Variants in IFRD1 observed in about 807,000 individuals in gnomAD.
IFRD1 encodes interferon-related developmental regulator 1.
IFRD1 carries 35 observed loss-of-function variants against 52.9 expected under a neutral mutation model. The observed-to-expected ratio is 0.66, with a 90% CI of 0.51 to 0.88. The LOEUF (loss-of-function observed/expected upper bound fraction) is 0.88. IFRD1 is among the 40% of genes least tolerant of loss of function. IFRD1 has a pLI of 0.00. For synonymous variants in IFRD1, 184 were observed against 188.4 expected, an observed-to-expected ratio of 0.98 and a Z score of 0.19; for missense variants, 517 against 550.8, an observed-to-expected ratio of 0.94 and a Z score of 0.61.
chr7:112,459,070 C>A (rs376465707), intron 5 of IFRD1, 52 bp downstream of exon 5: 2 of 1,428,772 alleles, frequency 1.4e-6, no homozygotes, highest in African/African-American at 1.5e-5. Flanking sequence ...GACACCCAGA[C>A]GTGGTGCGCC....
At position 112,428,846 on chromosome 7, in the gene IFRD1, C is replaced by T. The variant is rs548583081; in HGVS notation, c.-182+5414C>T. On this transcript the variant is annotated intron_variant, in intron 1 of 12. Coordinates refer to the IFRD1 transcript ENST00000005558. ...CCACCCTGCCCGTCCCCTTTCAAGT[C>T]ATCTTTCTTATTACCAGTAGATTAA... 4.1e-4 allele frequency among the ~76,000 whole-genome samples: 62 copies of T among 152,294 alleles called. 1 individual carries two copies. The Middle Eastern group carries it at 0.014, about 33-fold the overall frequency.
At chr7:112,461,805 G>A (rs1795441995) in intron 5 of IFRD1, 61 bp from the exon 6 acceptor site, 2 of 883,154 alleles carry the variant, frequency 2.3e-6, no homozygotes, top group South Asian at 3.6e-5. Flanking sequence ...AAAGCAGGAA[G>A]ATGTAGAATT....
chr7:112,472,824 C>T lies in IFRD1; in HGVS notation c.1229C>T (p.Ala410Val), dbSNP rs775785195. 6 of 1,613,334 alleles carry T rather than the reference C, an allele frequency of 3.7e-6. No homozygotes were observed. The African/African-American group carries it at 8.0e-5, about 22-fold the overall frequency. Residue 410 changes from alanine (A) to valine (V), a missense_variant, in exon 11 of 12, where the codon GCA (alanine) becomes GTA (valine). Ala to Val is a moderately conservative substitution (Grantham distance 64). Coordinates refer to ENST00000403825, the MANE Select transcript of IFRD1 (RefSeq NM_001550.4). ...GGACCCCCAGTGATGCTTGATGCTGCAACGCTTAAAACGATGAAGATTTCT... is the reference window on the plus strand; with the variant it reads ...GGACCCCCAGTGATGCTTGATGCTGTAACGCTTAAAACGATGAAGATTTCT... Reference protein sequence around the residue: ...ELGPPVMLDAATLKTMKISRF... With the variant: ...ELGPPVMLDAVTLKTMKISRF...
chr7:112,449,825 T>TC (rs1795105737), upstream of IFRD1, among the ~76,000 whole-genome samples: 1 of 11,130 alleles, frequency 9.0e-5, no homozygotes, highest in Non-Finnish European at 2.3e-4. Flanking sequence ...ATCCCTTTTT[T>TC]TGGGGGGGGG....
At position 112,450,600 on chromosome 7, in the gene IFRD1, C is replaced by G; in HGVS notation, c.-89C>G. 1 of 1,063,614 alleles carries G rather than the reference C, an allele frequency of 9.4e-7. No homozygotes were observed. The highest frequency in any genetic ancestry group is 1.5e-6 in the Non-Finnish European group (1 of 688,222). 65.9% of individuals were successfully genotyped at this position (1,063,614 alleles called of 1,614,324 possible). On this transcript the variant is annotated 5_prime_UTR_variant, in exon 1 of 12. Transcript: ENST00000403825. ...TAGCCGAAGACTCGCCTCTCAGCCG[C>G]CCGCCGCACAGACGCACGAGTAAAA... is the stretch of plus-strand genomic sequence containing the variant.
intron 1 of IFRD1, among the ~76,000 whole-genome samples, chr7:112,443,154 C>T (rs1268621206): frequency 6.6e-6 from 1 of 152,124 alleles, no homozygotes; most frequent in Admixed American, 6.6e-5. Context: ...AGCCTTGGAT[C>T]TTAATCATGT....
chr7:112,455,912 C>T (rs772837523), intron 2 of IFRD1, 45 bp downstream of exon 2: 2 of 1,481,934 alleles, frequency 1.3e-6, no homozygotes, highest in Admixed American at 1.7e-5. Flanking sequence ...TAAAATGTTT[C>T]AGGTGGAGGA....
intron 1 of IFRD1, among the ~76,000 whole-genome samples, chr7:112,428,845 T>A (rs1214516254): frequency 1.3e-5 from 2 of 152,168 alleles, no homozygotes; most frequent in African/African-American, 4.8e-5. Context: ...CCCTTTCAAG[T>A]CATCTTTCTT....
upstream of IFRD1, among the ~76,000 whole-genome samples, chr7:112,447,791 T>G (rs1028773339): frequency 1.2e-4 from 19 of 152,200 alleles, no homozygotes; most frequent in Non-Finnish European, 5.9e-5. Context: ...CTTTGTGATG[T>G]TTGCACTGGT....
At chr7:112,453,360 C>G (rs1795212052) in intron 1 of IFRD1, among the ~76,000 whole-genome samples, 1 of 152,162 alleles carries the variant, frequency 6.6e-6, no homozygotes, top group Non-Finnish European at 1.5e-5. Flanking sequence ...AGTGCCATCT[C>G]TTTCGTGGTA....
intron 9 of IFRD1, among the ~76,000 whole-genome samples, chr7:112,468,479 G>T (rs958120769): frequency 3.3e-5 from 5 of 152,028 alleles, no homozygotes; most frequent in Non-Finnish European, 5.9e-5. Flanking sequence ...CTACCCCTTA[G>T]ACTCCAACCC....
intron 4 of IFRD1, 138 bp from the exon 5 acceptor site, chr7:112,458,716 TTTGTAAC>T: frequency 2.7e-6 from 2 of 733,244 alleles, no homozygotes; most frequent in Non-Finnish European, 4.7e-6. Context: ...TTAGCCTAAG[TTTGTAAC>T]TTACATCAAA....
chr7:112,455,908 G>A lies in IFRD1; in HGVS notation c.199+41G>A, dbSNP rs369805571. On this transcript the variant is annotated intron_variant, in intron 2 of 11. Coordinates refer to ENST00000403825, the MANE Select transcript of IFRD1 (RefSeq NM_001550.4). ...TTAAATTTGCAACTTTAGATAAAAT[G>A]TTTCAGGTGGAGGAATTCTTGTAGC... 7.8e-5 allele frequency: 117 copies of A among 1,495,584 alleles called. 1 individual carries two copies. Among genetic ancestry groups the A allele is most frequent in the Non-Finnish European group, 1.0e-4 (109 of 1,072,156 alleles). 92.6% of individuals were successfully genotyped at this position (1,495,584 alleles called of 1,614,324 possible). A position where few individuals can be genotyped will look rare whatever the true frequency, so the allele number is the denominator to read the frequency against.
At chr7:112,442,758 G>C (rs1345606948) in intron 1 of IFRD1, among the ~76,000 whole-genome samples, 1 of 152,146 alleles carries the variant, frequency 6.6e-6, no homozygotes, top group Non-Finnish European at 1.5e-5. Flanking sequence ...TCATCTCTTT[G>C]TTCTCATGCT....
upstream of IFRD1, among the ~76,000 whole-genome samples, chr7:112,447,022 A>G (rs1795046037): frequency 6.6e-6 from 1 of 152,218 alleles, no homozygotes; most frequent in African/African-American, 2.4e-5. Context: ...ATTTCTGCTC[A>G]GTGCTATGCA....
At chr7:112,445,908 G>T (rs1489330545), upstream of IFRD1, among the ~76,000 whole-genome samples, 5 of 152,022 alleles carry the variant, frequency 3.3e-5, no homozygotes, top group Non-Finnish European at 7.4e-5. Flanking sequence ...TAAAAAAAAA[G>T]AAGTAAAAAA....
At chr7:112,470,253 A>G (rs1795713804) in intron 9 of IFRD1, among the ~76,000 whole-genome samples, 1 of 152,236 alleles carries the variant, frequency 6.6e-6, no homozygotes, top group East Asian at 1.9e-4. Context: ...ATAGTTAAGT[A>G]GCAGAGCTGA....
intron 4 of IFRD1, 143 bp downstream of exon 4, chr7:112,457,181 G>A (rs983180906): frequency 2.4e-6 from 2 of 819,146 alleles, no homozygotes; most frequent in Admixed American, 4.2e-5. Flanking sequence ...ATCTTGTTAT[G>A]GCTCAAAATG....
chr7:112,460,802 T>C (rs1795416062), intron 5 of IFRD1, among the ~76,000 whole-genome samples: 1 of 152,078 alleles, frequency 6.6e-6, no homozygotes, highest in Admixed American at 6.6e-5. Flanking sequence ...CTGATACCAA[T>C]GGTGACTTTA....
Sources: gnomAD v4.1 joint callset for allele counts (sites outside exome capture counted in the v4.1 genomes callset) on GRCh38, gnomAD v4.1.1 for gene constraint, MANE v1.5 for transcripts, NCBI Gene and HGNC (gene_info 2026-07-23, HGNC 2026-07-21) for gene names.